The following SMARCC1 variants were observed in gnomAD, a reference collection of about 807,000 sequenced individuals.
SMARCC1 encodes the protein SWI/SNF complex subunit SMARCC1.
A neutral mutation model predicts 147.4 loss-of-function variants in SMARCC1; 43 were observed. The ratio of observed to expected loss-of-function variants is 0.29; its 90% CI spans 0.23 to 0.38. The LOEUF is 0.38. SMARCC1 is among the 10% of genes least tolerant of loss of function. SMARCC1 has a pLI of 1.00. For missense variants in SMARCC1, 1,119 were observed against 1,381.1 expected (o/e 0.81, Z 3.01); for synonymous variants, 495 against 484.4 (o/e 1.02, Z -0.29).
chr3:47,734,907 G>T (rs1022195760), intron 5 of SMARCC1, among the ~76,000 whole-genome samples: 6 of 152,160 alleles, frequency 3.9e-5, no homozygotes, highest in African/African-American at 1.4e-4. Flanking sequence ...ACAGTGGCAT[G>T]CCACCATGCC....
chr3:47,632,545 C>T (rs529479176), intron 24 of SMARCC1, among the ~76,000 whole-genome samples: 1 of 152,102 alleles, frequency 6.6e-6, no homozygotes, highest in South Asian at 2.1e-4. Flanking sequence ...GGTGAGGTGG[C>T]TCACACCTGT....
Position 47,662,330 on chromosome 3 carries a change from A to C in SMARCC1, c.2158+4T>G. The C allele has an allele frequency of 6.2e-7, 1 of 1,613,610 alleles. No homozygotes were observed. Among genetic ancestry groups the C allele is most frequent in the Non-Finnish European group, 8.5e-7 (1 of 1,179,814 alleles). ...TTGAGGAGATGGTTTAGGGAAGTCC[A>C]TACCCAAAGCCGCTTTTGCTGCAGC... On this transcript the variant is annotated splice_donor_region_variant and intron_variant, in intron 20 of 27. Coordinates refer to ENST00000254480, the MANE Select transcript of SMARCC1 (RefSeq NM_003074.4).
chr3:47,588,147 A>G lies in SMARCC1; in HGVS notation c.*62T>C. The G allele has an allele frequency of 2.3e-6, 3 of 1,306,564 alleles. No individual in the cohort carries two copies. Among genetic ancestry groups the G allele is most frequent in the Admixed American group, 3.9e-5 (2 of 51,044 alleles). 80.9% of individuals were successfully genotyped at this position (1,306,564 alleles called of 1,614,324 possible). A position where few individuals can be genotyped will look rare whatever the true frequency, so the allele number is the denominator to read the frequency against. ...AAACCCAAGAAAGTTGAGGAACACA[A>G]GTCTTGTCATCCCCACTCCAGCTCA... is the stretch of plus-strand genomic sequence containing the variant. On this transcript the variant is annotated 3_prime_UTR_variant, in exon 28 of 28. Coordinates refer to ENST00000254480, the MANE Select transcript of SMARCC1 (RefSeq NM_003074.4).
intron 7 of SMARCC1, among the ~76,000 whole-genome samples, chr3:47,719,821 C>T (rs896323996): frequency 2.1e-4 from 32 of 152,206 alleles, no homozygotes; most frequent in African/African-American, 7.5e-4. Flanking sequence ...CTGCAACCTC[C>T]GCTTCCCAGG....
chr3:47,779,648 C>T (rs1017001595), intron 1 of SMARCC1, among the ~76,000 whole-genome samples: 3 of 152,180 alleles, frequency 2.0e-5, no homozygotes, highest in African/African-American at 7.2e-5. Context: ...GTAGCCACTT[C>T]CCTACCCACC....
chr3:47,635,292 T>A lies in SMARCC1; in HGVS notation c.2544A>T (p.Arg848Ser), dbSNP rs749878734. ...CTTTCTTCTTCCCAGTATCACTTTC[T>A]CTTTCTTTACATGTATCAGTGAGTT... ...NKELTDTCKE[R>S]ESDTGKKKVE... The change falls in exon 24 of 28, where the codon AGA (arginine) becomes AGT (serine). Residue 848 changes from arginine to serine, a missense_variant. Arg to Ser is a moderately radical substitution (Grantham distance 110). Around this residue, in one of 6 missense-constraint regions of SMARCC1, gnomAD observed 157 missense variants for 158.6 expected, o/e 0.99. Transcript: ENST00000254480. The A allele has an allele frequency of 2.4e-5, 38 of 1,612,868 alleles. No homozygotes were observed. Among genetic ancestry groups the A allele is most frequent in the Non-Finnish European group, 3.0e-5 (35 of 1,179,318 alleles).
intron 10 of SMARCC1, 74 bp downstream of exon 10, chr3:47,706,335 G>C (rs1211509558): frequency 2.2e-6 from 3 of 1,370,228 alleles, no homozygotes; most frequent in Non-Finnish European, 9.5e-7. Flanking sequence ...GCCTCCAAAA[G>C]TGCTGGGATT....
chr3:47,698,397 A>G (rs1163122535), intron 11 of SMARCC1, among the ~76,000 whole-genome samples: 1 of 152,218 alleles, frequency 6.6e-6, no homozygotes, highest in African/African-American at 2.4e-5. Context: ...AAAAGCAAAA[A>G]TGTCTGCTTT....
At chr3:47,714,059 T>C (rs1328238309) in intron 8 of SMARCC1, among the ~76,000 whole-genome samples, 1 of 152,186 alleles carries the variant, frequency 6.6e-6, no homozygotes, top group Non-Finnish European at 1.5e-5. Flanking sequence ...GAAGAGCTAT[T>C]AGATTATTGT....
intron 7 of SMARCC1, among the ~76,000 whole-genome samples, chr3:47,716,060 C>A (rs2034151977): frequency 1.3e-5 from 2 of 151,172 alleles, no homozygotes; most frequent in South Asian, 4.2e-4. Context: ...AACCAAATGA[C>A]ATCTAGTATG....
chr3:47,657,554 T>G (rs954170610), intron 21 of SMARCC1, among the ~76,000 whole-genome samples: 1 of 152,068 alleles, frequency 6.6e-6, no homozygotes, highest in Non-Finnish European at 1.5e-5. Flanking sequence ...TCCCAGCACT[T>G]TGGGAGGCCA....
chr3:47,625,170 C>CA, intron 24 of SMARCC1, among the ~76,000 whole-genome samples: 1 of 147,304 alleles, frequency 6.8e-6, no homozygotes, highest in South Asian at 2.1e-4. Flanking sequence ...TTTTTAAAGA[C>CA]AGAGTCTGGG....
chr3:47,737,989 T>G (rs536236376), intron 4 of SMARCC1, 40 bp downstream of exon 4: 1 of 1,446,728 alleles, frequency 6.9e-7, no homozygotes, highest in African/African-American at 1.4e-5. Flanking sequence ...GAAAATATAT[T>G]AAAGGTAAAC....
At chr3:47,627,008 T>G (rs972601188) in intron 24 of SMARCC1, among the ~76,000 whole-genome samples, 2 of 152,192 alleles carry the variant, frequency 1.3e-5, no homozygotes, top group Non-Finnish European at 2.9e-5. Context: ...AATTGATACA[T>G]GTAGCAGAAT....
At chr3:47,737,280 G>A (rs2034454986) in intron 4 of SMARCC1, among the ~76,000 whole-genome samples, 1 of 152,118 alleles carries the variant, frequency 6.6e-6, no homozygotes, top group Middle Eastern at 3.2e-3. Context: ...TGTAGTCCCA[G>A]CTACAGGGAA....
At chr3:47,754,860 T>C (rs969163027) in intron 2 of SMARCC1, among the ~76,000 whole-genome samples, 5 of 152,028 alleles carry the variant, frequency 3.3e-5, no homozygotes, top group Non-Finnish European at 7.4e-5. Context: ...CTAGCCAACA[T>C]GGTGAAACCC....
intron 10 of SMARCC1, 101 bp downstream of exon 10, chr3:47,706,308 T>C (rs1004437101): frequency 2.4e-5 from 27 of 1,129,698 alleles, no homozygotes; most frequent in Non-Finnish European, 2.7e-5. Flanking sequence ...CTGACCTCAG[T>C]TGATCTGCCC....
chr3:47,754,785 G>T (rs951710789), intron 2 of SMARCC1, among the ~76,000 whole-genome samples: 2 of 152,190 alleles, frequency 1.3e-5, no homozygotes, highest in Non-Finnish European at 2.9e-5. Flanking sequence ...CCCCACGCCT[G>T]TAATGCCAGA....
rs1399297756 is a variant in SMARCC1, at chr3:47,781,852, C to G, written c.-55G>C. ...CCCACCCCGGCCCTCGCGGTGTTTC[C>G]CGGTCGTTCCCGCGCGCACCCCCGC... On this transcript the variant is annotated 5_prime_UTR_variant, in exon 1 of 28. Transcript: ENST00000254480. The G allele has an allele frequency of 2.5e-6, 3 of 1,189,300 alleles. No individual in the cohort carries two copies. The highest frequency in any genetic ancestry group is 3.2e-6 in the Non-Finnish European group (3 of 935,664). 73.7% of individuals were successfully genotyped at this position (1,189,300 alleles called of 1,614,324 possible).
Sources: allele counts gnomAD v4.1 joint callset (sites outside exome capture counted in the v4.1 genomes callset), GRCh38; gene constraint gnomAD v4.1.1; regional missense constraint gnomAD v4.1.1; transcripts MANE v1.5; gene names NCBI Gene and HGNC (gene_info 2026-07-23, HGNC 2026-07-21).